TIAM1: variants seen among roughly 807,000 people sequenced by gnomAD.
TIAM1 encodes the protein TIAM Rac1 associated GEF 1.
TIAM1 carries 65 observed loss-of-function variants against 163.5 expected under a neutral mutation model. The observed-to-expected ratio is 0.40, with a 90% confidence interval of 0.33 to 0.49. The LOEUF (loss-of-function observed/expected upper bound fraction) is 0.49. Among genes scored for constraint, TIAM1 ranks in the 20% least tolerant of loss-of-function variants. The probability of loss-of-function intolerance (pLI) is 0.77; values close to 1 mark genes in which losing one functional copy is unlikely to be tolerated. For missense variants in TIAM1, 1,789 were observed against 2,044.7 expected (o/e 0.87, Z 2.41); for synonymous variants, 833 against 810.1 (o/e 1.03, Z -0.48).
chr21:31,294,718 A>G (rs1315440232), intron 2 of TIAM1, among the ~76,000 whole-genome samples: 4 of 152,244 alleles, frequency 2.6e-5, no homozygotes, highest in Non-Finnish European at 5.9e-5. Flanking sequence ...CATTCAAAAT[A>G]GCATCCATGA....
chr21:31,417,988 T>C (rs949337562), intron 2 of TIAM1, among the ~76,000 whole-genome samples: 3 of 152,122 alleles, frequency 2.0e-5, no homozygotes, highest in African/African-American at 7.2e-5. Context: ...CTGTGAGCCC[T>C]TCAGTTTTTA....
At chr21:31,330,194 G>A (rs1189188969) in intron 2 of TIAM1, among the ~76,000 whole-genome samples, 1 of 152,148 alleles carries the variant, frequency 6.6e-6, no homozygotes, top group Non-Finnish European at 1.5e-5. Flanking sequence ...TGCCCTGCCT[G>A]TTCATCCCTC....
chr21:31,212,930 C>T (rs8130563), intron 10 of TIAM1: 14,929 of 154,826 alleles, frequency 0.096, 2,300 homozygotes, highest in African/African-American at 0.33. Context: ...GAATACTTGA[C>T]TTGGGAGGCA....
At chr21:31,362,478 T>TATTATTATTATC (rs944079739) in intron 2 of TIAM1, among the ~76,000 whole-genome samples, 1 of 142,780 alleles carries the variant, frequency 7.0e-6, no homozygotes, top group African/African-American at 2.7e-5. Flanking sequence ...TTATTATTAT[T>TATTATTATTATC]ATATTTGAGA....
chr21:31,168,997 A>G (rs1422366477), intron 15 of TIAM1, among the ~76,000 whole-genome samples: 1 of 152,200 alleles, frequency 6.6e-6, no homozygotes, highest in Non-Finnish European at 1.5e-5. Flanking sequence ...ATATTTTTTT[A>G]AAAGAAGAAA....
chr21:31,137,863 T>C (rs750859911), intron 22 of TIAM1, among the ~76,000 whole-genome samples: 5 of 149,722 alleles, frequency 3.3e-5, no homozygotes, highest in Non-Finnish European at 7.4e-5. Context: ...CAAACCTTGG[T>C]TGACCTACAA....
chr21:31,277,149 G>A (rs1294960926), intron 2 of TIAM1, among the ~76,000 whole-genome samples: 6 of 152,178 alleles, frequency 3.9e-5, no homozygotes. Flanking sequence ...CTCACGGGAT[G>A]AGGCAGGAGG....
At chr21:31,401,314 T>TA (rs1341757302) in intron 2 of TIAM1, among the ~76,000 whole-genome samples, 1 of 152,206 alleles carries the variant, frequency 6.6e-6, no homozygotes, top group Non-Finnish European at 1.5e-5. Flanking sequence ...CAGCTACAGA[T>TA]AGACTCCAGC....
intron 1 of TIAM1, among the ~76,000 whole-genome samples, chr21:31,545,921 C>A (rs2048470734): frequency 6.6e-6 from 1 of 152,032 alleles, no homozygotes; most frequent in East Asian, 1.9e-4. Flanking sequence ...CACACCCATT[C>A]AAAGATGAAG....
At chr21:31,285,275 G>A (rs1248570073) in intron 2 of TIAM1, among the ~76,000 whole-genome samples, 1 of 152,148 alleles carries the variant, frequency 6.6e-6, no homozygotes, top group African/African-American at 2.4e-5. Flanking sequence ...TGTGGGGGGG[G>A]CGGTGAGGCC....
At chr21:31,537,417 T>C (rs1441874139) in intron 1 of TIAM1, among the ~76,000 whole-genome samples, 1 of 145,950 alleles carries the variant, frequency 6.9e-6, no homozygotes, top group Non-Finnish European at 1.5e-5. Flanking sequence ...CCTGTGCTTA[T>C]ATAAACCAAT....
At chr21:31,441,647 A>G (rs1414213582) in intron 2 of TIAM1, among the ~76,000 whole-genome samples, 1 of 152,198 alleles carries the variant, frequency 6.6e-6, no homozygotes, top group Non-Finnish European at 1.5e-5. Context: ...TCCAGGATTG[A>G]GCCTTCCCTA....
chr21:31,257,958 C>G (rs1410257925), intron 4 of TIAM1, among the ~76,000 whole-genome samples: 2 of 150,758 alleles, frequency 1.3e-5, no homozygotes, highest in African/African-American at 4.9e-5. Flanking sequence ...GCTGGGCACC[C>G]TCCCACATTG....
chr21:31,409,323 T>C (rs1416913875), intron 2 of TIAM1, among the ~76,000 whole-genome samples: 1 of 152,064 alleles, frequency 6.6e-6, no homozygotes, highest in Non-Finnish European at 1.5e-5. Flanking sequence ...TTGGCCAGGC[T>C]GGTCTTGAAC....
intron 2 of TIAM1, among the ~76,000 whole-genome samples, chr21:31,392,688 A>T (rs2076988373): frequency 6.6e-6 from 1 of 151,530 alleles, no homozygotes. Flanking sequence ...AGGTGGGGCC[A>T]GGTAGGAGGT....
intron 2 of TIAM1, among the ~76,000 whole-genome samples, chr21:31,441,169 T>TA (rs1321032120): frequency 6.6e-6 from 1 of 152,188 alleles, no homozygotes; most frequent in East Asian, 1.9e-4. Flanking sequence ...CTCTTCATCT[T>TA]AGAGGGAAAT....
intron 15 of TIAM1, among the ~76,000 whole-genome samples, chr21:31,174,341 G>A (rs2084663821): frequency 6.6e-6 from 1 of 152,180 alleles, no homozygotes; most frequent in South Asian, 2.1e-4. Context: ...CGACTTTCAC[G>A]GCTATCACAG....
chr21:31,194,668 G>A (rs1214445764), intron 13 of TIAM1, among the ~76,000 whole-genome samples: 1 of 152,130 alleles, frequency 6.6e-6, no homozygotes, highest in East Asian at 1.9e-4. Context: ...TCCCCAAACA[G>A]ACCAGTTTTT....
At chr21:31,444,263 G>A (rs900885898) in intron 2 of TIAM1, among the ~76,000 whole-genome samples, 6 of 152,038 alleles carry the variant, frequency 3.9e-5, no homozygotes, top group African/African-American at 7.2e-5. Context: ...CTTTTCTGTC[G>A]TTCACGGCGT....
Sources: allele counts gnomAD v4.1 joint callset (sites outside exome capture counted in the v4.1 genomes callset), GRCh38; gene constraint gnomAD v4.1.1; transcripts MANE v1.5; gene names NCBI Gene and HGNC (gene_info 2026-07-23, HGNC 2026-07-21).